ZNF469: variants seen among roughly 807,000 people sequenced by gnomAD.
ZNF469 encodes zinc finger protein 469.
Under a neutral mutation model 1.0 loss-of-function variants are expected in ZNF469, and 1 was observed. The ratio of observed to expected loss-of-function variants is 1.00; its 90% confidence interval spans 0.35 to 4.73. ZNF469 has a LOEUF of 4.73. Among genes scored for constraint, ZNF469 ranks in the 30% most tolerant of loss-of-function variants. The pLI, the probability that ZNF469 is intolerant of heterozygous loss-of-function variation, is 0.16. For missense variants in ZNF469, 6,100 were observed against 5,356.3 expected, an observed-to-expected ratio of 1.14 and a Z score of -4.33; for synonymous variants, 2,703 against 2,363.4, an observed-to-expected ratio of 1.14 and a Z score of -4.17.
the ZNF469 span, among the ~76,000 whole-genome samples, chr16:88,256,229 C>G: frequency 0.012 from 1,837 of 152,264 alleles, 36 homozygotes; most frequent in African/African-American, 0.042. Flanking sequence ...CCTGCCAGCC[C>G]CGGGCAACCA....
rs532279011 is a variant in ZNF469 at position 88,433,776 on chromosome 16, C to A, written c.6306C>A (p.Ser2102Arg). The change falls in exon 3 of 3, where the codon AGC becomes AGA. Residue 2102 changes from serine to arginine, a missense_variant. Ser to Arg is a moderately radical substitution (Grantham distance 110, BLOSUM62 -1). Coordinates refer to ENST00000565624, the MANE Select transcript of ZNF469 (RefSeq NM_001367624.2). ...AGCCACTGCTGGCCACAGGGGATAG[C>A]CCAGCACCCTCTGTCGGGGACCTGG... ...LNKPLLATGD[S>R]PAPSVGDLAA... is the part of the protein sequence containing the mutation. The A allele has an allele frequency of 1.4e-5, 22 of 1,549,604 alleles. No individual in the cohort carries two copies. In the South Asian group the frequency reaches 2.5e-4, roughly 18 times the overall value.
At chr16:88,261,917 G>A in the ZNF469 span, among the ~76,000 whole-genome samples, 1 of 152,178 alleles carries the variant, frequency 6.6e-6, no homozygotes, top group African/African-American at 2.4e-5. This position sits in a 1 kb window ranked among gnomAD's most constrained non-coding sequence, Gnocchi z 6.0. Context: ...CTGAGCCCAA[G>A]GAAGGCCTCA....
the ZNF469 span, among the ~76,000 whole-genome samples, chr16:88,174,144 G>A: frequency 6.6e-6 from 1 of 151,990 alleles, no homozygotes. Flanking sequence ...AAAGTAAGAG[G>A]GTAGAAAAAA....
the ZNF469 span, among the ~76,000 whole-genome samples, chr16:88,233,210 TC>T: frequency 6.6e-6 from 1 of 152,160 alleles, no homozygotes; most frequent in African/African-American, 2.4e-5. Flanking sequence ...GGCAAGCATC[TC>T]CCCTCCCACA....
At chr16:88,248,416 A>T in the ZNF469 span, among the ~76,000 whole-genome samples, 2 of 152,128 alleles carry the variant, frequency 1.3e-5, no homozygotes, top group Non-Finnish European at 2.9e-5. Flanking sequence ...CACTCTCTAA[A>T]AATTCCCCCC....
At chr16:88,132,783 C>T in the ZNF469 span, among the ~76,000 whole-genome samples, 1 of 152,314 alleles carries the variant, frequency 6.6e-6, no homozygotes, top group South Asian at 2.1e-4. Flanking sequence ...CATGTCAGCC[C>T]ACGCTTCCTC....
chr16:88,148,692 A>C, the ZNF469 span, among the ~76,000 whole-genome samples: 40 of 152,114 alleles, frequency 2.6e-4, no homozygotes, highest in Non-Finnish European at 5.1e-4. Context: ...TGGGCTTGGC[A>C]ACCCTGTCTC....
At chr16:88,392,980 G>C (rs8043769) in intron 1 of ZNF469, among the ~76,000 whole-genome samples, 40,769 of 152,200 alleles carry the variant, frequency 0.27, 6,292 homozygotes, top group African/African-American at 0.43. Context: ...GAGTCCCGGA[G>C]TCCGCCAGGT....
At chr16:88,131,640 C>T in the ZNF469 span, among the ~76,000 whole-genome samples, 1 of 152,338 alleles carries the variant, frequency 6.6e-6, no homozygotes, top group Non-Finnish European at 1.5e-5. Context: ...TCCTGTGAGG[C>T]GAGGCAGGCT....
the ZNF469 span, among the ~76,000 whole-genome samples, chr16:88,108,220 C>T: frequency 5.6e-5 from 8 of 142,756 alleles, no homozygotes; most frequent in African/African-American, 1.1e-4. Context: ...CAGAGGTGCA[C>T]GTCTGTGGGG....
the ZNF469 span, among the ~76,000 whole-genome samples, chr16:88,165,064 T>C: frequency 9.9e-5 from 15 of 152,212 alleles, no homozygotes; most frequent in Non-Finnish European, 1.5e-4. Context: ...GGGAGGGCCA[T>C]TGTGGGCAAG....
the ZNF469 span, among the ~76,000 whole-genome samples, chr16:88,198,958 T>C: frequency 6.6e-6 from 1 of 152,216 alleles, no homozygotes; most frequent in Admixed American, 6.5e-5. Flanking sequence ...GACAAGACGC[T>C]GCTGCCGCCT....
chr16:88,432,654 G>A lies in ZNF469; in HGVS notation c.5184G>A (p.Gln1728=), dbSNP rs1906282536. ...QDVCLPEPSK[Q]PGPQLDAGSL... is the part of the protein sequence containing the mutation. ...TCTGCCTGCCTGAGCCCAGCAAGCA[G>A]CCTGGCCCACAGCTGGATGCCGGGA... The change falls in exon 3 of 3, where the codon CAG becomes CAA. Residue 1728 remains glutamine, a synonymous_variant. Coordinates refer to ENST00000565624, the MANE Select transcript of ZNF469 (RefSeq NM_001367624.2). The A allele has an allele frequency of 6.5e-7, 1 of 1,550,324 alleles. No homozygotes were observed.
At chr16:88,319,409 C>T in the ZNF469 span, among the ~76,000 whole-genome samples, 2 of 152,124 alleles carry the variant, frequency 1.3e-5, no homozygotes, top group Non-Finnish European at 2.9e-5. Context: ...GATTGGGCCC[C>T]GGGAGGAGGG....
chr16:88,174,621 C>A, the ZNF469 span, among the ~76,000 whole-genome samples: 4 of 148,504 alleles, frequency 2.7e-5, no homozygotes, highest in Admixed American at 2.7e-4. Flanking sequence ...AGATTAGTCC[C>A]CTCTTCTTCC....
chr16:88,373,084 C>T, the ZNF469 span, among the ~76,000 whole-genome samples: 4 of 152,368 alleles, frequency 2.6e-5, no homozygotes, highest in East Asian at 7.7e-4. Flanking sequence ...ACCAGGCACT[C>T]TTTTAAGTAC....
chr16:88,429,410 C>T lies in ZNF469; in HGVS notation c.1940C>T (p.Pro647Leu), dbSNP rs1420366140. 1 of 1,547,514 alleles carries T rather than the reference C, an allele frequency of 6.5e-7. No individual in the cohort carries two copies. Among genetic ancestry groups the T allele is most frequent in the East Asian group, 2.4e-5 (1 of 40,884 alleles). ...PPTHPQETGS[P>L]FPSPEPPHSL... is the part of the protein sequence containing the mutation. ...ACTCACCCCCAGGAGACGGGCAGCCCCTTCCCGTCCCCGGAGCCCCCCCAC... is the reference window on the plus strand; with the variant it reads ...ACTCACCCCCAGGAGACGGGCAGCCTCTTCCCGTCCCCGGAGCCCCCCCAC... The change falls in exon 3 of 3, where the codon CCC (proline) becomes CTC (leucine). Residue 647 changes from proline (P) to leucine (L), a missense_variant. Coordinates refer to ENST00000565624, the MANE Select transcript of ZNF469 (RefSeq NM_001367624.2).
chr16:88,396,169 A>G lies in ZNF469; in HGVS notation c.-192+12915A>G, dbSNP rs1181180697. On this transcript the variant is annotated intron_variant, in intron 1 of 2. Coordinates refer to ENST00000565624, the MANE Select transcript of ZNF469 (RefSeq NM_001367624.2). ...AGTGCGAGTGACAGAAACACAACTCATAGAACACAATAGAGAATTTCTTGG... is the reference window on the plus strand; with the variant it reads ...AGTGCGAGTGACAGAAACACAACTCGTAGAACACAATAGAGAATTTCTTGG... 4.6e-5 allele frequency among the ~76,000 whole-genome samples: 7 copies of G among 152,270 alleles called. No homozygotes were observed. In the South Asian group the frequency reaches 1.0e-3, roughly 22 times the overall value.
At chr16:88,282,255 A>C in the ZNF469 span, among the ~76,000 whole-genome samples, 1 of 152,136 alleles carries the variant, frequency 6.6e-6, no homozygotes. Flanking sequence ...ACAGGGGTGC[A>C]CCTTGTGGAT....
Sources: gnomAD v4.1 joint callset for allele counts (sites outside exome capture counted in the v4.1 genomes callset) on GRCh38, gnomAD v4.1.1 for gene constraint, Gnocchi (gnomAD v3.1) non-coding constraint, MANE v1.5 for transcripts, NCBI Gene and HGNC (gene_info 2026-07-23, HGNC 2026-07-21) for gene names.